Variants in RORA observed in about 807,000 individuals in gnomAD.
RORA encodes nuclear receptor ROR-alpha.
A neutral mutation model predicts 69.5 loss-of-function variants in RORA; 7 were observed. The ratio of observed to expected loss-of-function variants is 0.10; its 90% confidence interval spans 0.06 to 0.19. RORA has a LOEUF of 0.19. Ranked by LOEUF, RORA falls within the 10% of genes least tolerant of loss-of-function variation. RORA has a pLI of 1.00. For synonymous variants in RORA, 261 were observed against 240.8 expected (o/e 1.08, Z -0.78); for missense variants, 457 against 663.0 (o/e 0.69, Z 3.41).
intron 2 of RORA, among the ~76,000 whole-genome samples, chr15:60,595,157 C>T (rs2068638780): frequency 6.7e-6 from 1 of 148,152 alleles, no homozygotes; most frequent in African/African-American, 2.4e-5. Flanking sequence ...TTCAATAATA[C>T]CAAATTGGAG....
chr15:61,053,661 T>C (rs1202923545), intron 1 of RORA, among the ~76,000 whole-genome samples: 1 of 151,778 alleles, frequency 6.6e-6, no homozygotes, highest in Non-Finnish European at 1.5e-5. Context: ...AGCCTGGGTA[T>C]GCGGTCTTTG....
intron 1 of RORA, among the ~76,000 whole-genome samples, chr15:60,899,047 C>T (rs1032607528): frequency 4.6e-5 from 7 of 152,168 alleles, no homozygotes; most frequent in African/African-American, 1.7e-4. Flanking sequence ...TCCAAACACC[C>T]TACTTATGGA....
chr15:60,740,343 A>C (rs1461796427), intron 1 of RORA, among the ~76,000 whole-genome samples: 1 of 152,214 alleles, frequency 6.6e-6, no homozygotes, highest in Non-Finnish European at 1.5e-5. Context: ...GCGAGAACTG[A>C]AACAGTACAT....
chr15:60,668,850 G>A (rs983490833), intron 2 of RORA, among the ~76,000 whole-genome samples: 2 of 152,128 alleles, frequency 1.3e-5, no homozygotes, highest in African/African-American at 4.8e-5. Flanking sequence ...ATATTCTAAG[G>A]AAATTAAGAA....
chr15:60,836,297 C>CA (rs1195157111), intron 1 of RORA, among the ~76,000 whole-genome samples: 5 of 151,054 alleles, frequency 3.3e-5, no homozygotes, highest in South Asian at 2.1e-4. Context: ...AGAGAGGAGA[C>CA]AAAAAAAAGG....
intron 2 of RORA, among the ~76,000 whole-genome samples, chr15:60,660,199 C>T (rs1460890767): frequency 6.6e-6 from 1 of 152,120 alleles, no homozygotes; most frequent in Non-Finnish European, 1.5e-5. Context: ...TACTTAGACA[C>T]AATGTATCTG....
At chr15:60,721,285 G>C (rs924629122) in intron 1 of RORA, among the ~76,000 whole-genome samples, 2 of 152,290 alleles carry the variant, frequency 1.3e-5, no homozygotes, top group Non-Finnish European at 2.9e-5. Flanking sequence ...AAAAATCAGA[G>C]TGATCAGAAA....
At chr15:60,876,336 G>T (rs2073615905) in intron 1 of RORA, among the ~76,000 whole-genome samples, 1 of 141,070 alleles carries the variant, frequency 7.1e-6, no homozygotes. Flanking sequence ...GCGGCTAGGA[G>T]ACCACCACAC....
At chr15:60,828,030 T>C (rs1406096298) in intron 1 of RORA, among the ~76,000 whole-genome samples, 2 of 152,174 alleles carry the variant, frequency 1.3e-5, no homozygotes. Context: ...GTACCAACTA[T>C]GTTGGACATT....
chr15:60,581,729 C>T (rs538361472), intron 2 of RORA, among the ~76,000 whole-genome samples: 1 of 152,318 alleles, frequency 6.6e-6, no homozygotes, highest in South Asian at 2.1e-4. Flanking sequence ...TTACATCACA[C>T]CATGCTGGTT....
intron 1 of RORA, among the ~76,000 whole-genome samples, chr15:60,937,501 T>C (rs928951957): frequency 6.6e-6 from 1 of 152,088 alleles, no homozygotes; most frequent in Non-Finnish European, 1.5e-5. Context: ...TGAAACTGGG[T>C]GAGATCATTC....
At chr15:60,510,101 C>T (rs1595882356) in intron 5 of RORA, among the ~76,000 whole-genome samples, 2 of 152,318 alleles carry the variant, frequency 1.3e-5, no homozygotes, top group East Asian at 1.9e-4. Flanking sequence ...GCCATTATTT[C>T]TGTGAACTGA....
Position 60,531,870 on chromosome 15 carries a change from A to T in RORA, c.197-19T>A, listed in dbSNP as rs771819340. ...ATTTGAGCTGCAACAGAAGCACGCA[A>T]CCAGTTAATTACATTTTCTTTTAAA... On this transcript the variant is annotated intron_variant, in intron 2 of 10. Transcript: ENST00000335670. The surrounding 1 kb of genome is among the most constrained non-coding windows in gnomAD (Gnocchi z 4.8). The T allele has an allele frequency of 6.6e-7, 1 of 1,507,340 alleles. No homozygotes were observed. Among genetic ancestry groups the T allele is most frequent in the South Asian group, 1.2e-5 (1 of 82,950 alleles). 93.4% of individuals were successfully genotyped at this position (1,507,340 alleles called of 1,614,324 possible). A position where few individuals can be genotyped will look rare whatever the true frequency, so the allele number is the denominator to read the frequency against.
chr15:60,806,802 G>A (rs1325869841), intron 1 of RORA, among the ~76,000 whole-genome samples: 1 of 152,038 alleles, frequency 6.6e-6, no homozygotes, highest in East Asian at 1.9e-4. Flanking sequence ...CACCTTTTAT[G>A]GACAAAAAGG....
intron 1 of RORA, among the ~76,000 whole-genome samples, chr15:60,835,857 T>A (rs1595753979): frequency 6.6e-6 from 1 of 152,362 alleles, no homozygotes; most frequent in African/African-American, 2.4e-5. Flanking sequence ...ATATTATTAA[T>A]TCACCTTACC....
chr15:60,942,003 T>C (rs1204608028), intron 1 of RORA, among the ~76,000 whole-genome samples: 1 of 152,214 alleles, frequency 6.6e-6, no homozygotes, highest in Non-Finnish European at 1.5e-5. Flanking sequence ...ATCTGCTAAG[T>C]CTTCAAGCAA....
intron 1 of RORA, among the ~76,000 whole-genome samples, chr15:60,686,491 C>A (rs2070750617): frequency 6.6e-6 from 1 of 152,260 alleles, no homozygotes; most frequent in South Asian, 2.1e-4. Context: ...ATGATGCTAT[C>A]CATTCGATAT....
At chr15:60,940,796 G>A (rs4775329) in intron 1 of RORA, among the ~76,000 whole-genome samples, 23,028 of 152,082 alleles carry the variant, frequency 0.15, 1,894 homozygotes, top group Admixed American at 0.2. Flanking sequence ...GCATGGTGGC[G>A]CGTGCCTGTA....
At chr15:60,870,126 G>A (rs1337406844) in intron 1 of RORA, among the ~76,000 whole-genome samples, 3 of 152,182 alleles carry the variant, frequency 2.0e-5, no homozygotes, top group South Asian at 2.1e-4. Flanking sequence ...ATAAGTTAAT[G>A]AGCAAAGCAA....
Sources: gnomAD v4.1 joint callset for allele counts (sites outside exome capture counted in the v4.1 genomes callset) on GRCh38, gnomAD v4.1.1 for gene constraint, Gnocchi (gnomAD v3.1) non-coding constraint, MANE v1.5 for transcripts, NCBI Gene and HGNC (gene_info 2026-07-23, HGNC 2026-07-21) for gene names.